Variants in NRCAM observed in about 807,000 individuals in gnomAD.
NRCAM encodes NgCAM-related cell adhesion molecule.
Under a neutral mutation model 156.5 loss-of-function variants are expected in NRCAM, and 83 were observed. That is an observed-to-expected ratio of 0.53 (90% CI 0.44 to 0.64). The LOEUF (loss-of-function observed/expected upper bound fraction) is 0.64. NRCAM is among the 30% of genes least tolerant of loss of function. NRCAM has a pLI of 0.00. For synonymous variants in NRCAM, 538 were observed against 563.9 expected (o/e 0.95, Z 0.65); for missense variants, 1,417 against 1,597.3 (o/e 0.89, Z 1.92).
chr7:108,397,453 A>C (rs2099780073), intron 2 of NRCAM, among the ~76,000 whole-genome samples: 2 of 152,218 alleles, frequency 1.3e-5, no homozygotes, highest in African/African-American at 2.4e-5. Context: ...GAAGGCTGTG[A>C]GAATGAATTT....
chr7:108,213,540 G>A (rs539538867), intron 11 of NRCAM, among the ~76,000 whole-genome samples: 3 of 152,134 alleles, frequency 2.0e-5, no homozygotes, highest in Middle Eastern at 3.4e-3. Flanking sequence ...AACACATAAG[G>A]ACTCACATAA....
rs1330536843 is a variant in NRCAM at position 108,160,433 on chromosome 7, C to T, written c.3526G>A (p.Ala1176Thr). Residue 1176 changes from alanine (A) to threonine (T), a missense_variant, in exon 31 of 33, where the codon GCT becomes ACT. Transcript: ENST00000379028. ...TQGWFIGLMC[A>T]VALLILILLI... ...AAAATTAAGATAAGGAGAGCAACAG[C>T]ACACATCAGACCAATGAACCAGCCC... 9 of 1,613,622 alleles carry T rather than the reference C, an allele frequency of 5.6e-6. No homozygotes were observed. The Admixed American group carries it at 1.5e-4, about 27-fold the overall frequency.
intron 4 of NRCAM, 35 bp downstream of exon 4, chr7:108,239,924 C>A (rs546622855): frequency 3.6e-6 from 5 of 1,371,896 alleles, no homozygotes; most frequent in African/African-American, 2.9e-5. Context: ...GGCTTTGACT[C>A]CTGGGCCTAA....
chr7:108,270,874 T>C (rs1563044035), intron 3 of NRCAM, among the ~76,000 whole-genome samples: 1 of 152,146 alleles, frequency 6.6e-6, no homozygotes, highest in Non-Finnish European at 1.5e-5. Flanking sequence ...GAAGAAAGAA[T>C]GGAGAGTTCA....
chr7:108,175,202 A>G, intron 28 of NRCAM, 120 bp downstream of exon 28: 2 of 687,772 alleles, frequency 2.9e-6, no homozygotes, highest in Non-Finnish European at 4.6e-6. Context: ...ATTGGATGAG[A>G]TCTTCTCTTC....
chr7:108,217,622 G>A (rs909974954), intron 11 of NRCAM, among the ~76,000 whole-genome samples: 3 of 152,242 alleles, frequency 2.0e-5, no homozygotes, highest in Admixed American at 6.5e-5. Context: ...CCTGCCCAGA[G>A]AGGAGGAATC....
Position 108,209,596 on chromosome 7 carries a change from T to A in NRCAM, c.900A>T (p.Pro300=). Residue 300 remains proline (P), a synonymous_variant, in exon 12 of 33, where the codon CCA becomes CCT. Transcript: ENST00000379028. ...LECIAEGLPT[P]IIYWAKEDGM... ...CATCTTCCTTTGCCCAGTAAATAAT[T>A]GGGGTAGGCCTGATAGGATAAATAA... 1 of 1,607,210 alleles carries A rather than the reference T, an allele frequency of 6.2e-7. No individual in the cohort carries two copies. Among genetic ancestry groups the A allele is most frequent in the Non-Finnish European group, 8.5e-7 (1 of 1,177,322 alleles).
Position 108,210,308 on chromosome 7 carries a change from A to T in NRCAM, c.891-703T>A, listed in dbSNP as rs2083461660. On this transcript the variant is annotated intron_variant, in intron 11 of 32. Coordinates refer to ENST00000379028, the MANE Select transcript of NRCAM (RefSeq NM_001037132.4). ...GTCACCCAGGCTGGAGTGCAGTGGC[A>T]CGATCTGAGCTCACTGCAAGCTCCG... Among the ~76,000 whole-genome samples, 3 of 150,998 alleles carry T rather than the reference A, an allele frequency of 2.0e-5. No individual in the cohort carries two copies. In the South Asian group the frequency reaches 6.3e-4, roughly 31 times the overall value.
intron 2 of NRCAM, among the ~76,000 whole-genome samples, chr7:108,355,528 C>A (rs13246081): frequency 1.1e-4 from 17 of 152,316 alleles, no homozygotes; most frequent in Non-Finnish European, 2.5e-4. Flanking sequence ...GTACCCCCAG[C>A]TTATCCATGT....
At chr7:108,161,457 C>A (rs980817690) in intron 30 of NRCAM, among the ~76,000 whole-genome samples, 2 of 152,216 alleles carry the variant, frequency 1.3e-5, no homozygotes, top group African/African-American at 4.8e-5. Flanking sequence ...CATGCCCATG[C>A]AGATTTGCTT....
At chr7:108,360,247 G>GA (rs1368421120) in intron 2 of NRCAM, among the ~76,000 whole-genome samples, 3 of 151,708 alleles carry the variant, frequency 2.0e-5, no homozygotes, top group African/African-American at 4.8e-5. Flanking sequence ...AGTGAGAAGG[G>GA]AAAAAAAAGA....
At chr7:108,382,164 G>C (rs188928285) in intron 2 of NRCAM, among the ~76,000 whole-genome samples, 35 of 152,118 alleles carry the variant, frequency 2.3e-4, no homozygotes, top group Admixed American at 7.2e-4. Context: ...AGTCACAGAA[G>C]ATCTGCATCA....
chr7:108,454,547 A>G (rs533278552), intron 1 of NRCAM, among the ~76,000 whole-genome samples: 3 of 152,332 alleles, frequency 2.0e-5, no homozygotes, highest in Admixed American at 2.0e-4. Flanking sequence ...CCGGTTGGCT[A>G]TCGTTACCAT....
intron 2 of NRCAM, among the ~76,000 whole-genome samples, chr7:108,370,715 T>A (rs1160515022): frequency 6.6e-6 from 1 of 152,166 alleles, no homozygotes; most frequent in Admixed American, 6.6e-5. Flanking sequence ...CTGTATCTAT[T>A]TCTGTAATAC....
chr7:108,311,098 C>A (rs1205564753), intron 3 of NRCAM, among the ~76,000 whole-genome samples: 3 of 152,206 alleles, frequency 2.0e-5, no homozygotes, highest in Non-Finnish European at 4.4e-5. Flanking sequence ...TACTTCCTCA[C>A]AGTGGCCGCT....
At chr7:108,361,903 T>C (rs933158926) in intron 2 of NRCAM, among the ~76,000 whole-genome samples, 1 of 152,176 alleles carries the variant, frequency 6.6e-6, no homozygotes, top group African/African-American at 2.4e-5. Context: ...GCCTTACTTC[T>C]CTGTAGAGTC....
chr7:108,186,821 T>C (rs182117478), intron 20 of NRCAM, among the ~76,000 whole-genome samples: 1 of 152,320 alleles, frequency 6.6e-6, no homozygotes, highest in East Asian at 1.9e-4. Context: ...GTAAACAGAT[T>C]GGACACCACC....
In NRCAM at chr7:108,226,124, A is replaced by C. The variant is rs1042971667; in HGVS notation, c.721+84T>G. ...CTGATAATGAACCTGTTTACTTCAAAGTCAGTAGTATATAATAGTTTCTAT... is the reference window on the plus strand; with the variant it reads ...CTGATAATGAACCTGTTTACTTCAACGTCAGTAGTATATAATAGTTTCTAT... On this transcript the variant is annotated intron_variant, in intron 9 of 32. Transcript: ENST00000379028. 120 of 955,826 alleles carry C rather than the reference A, an allele frequency of 1.3e-4. 1 individual carries two copies. The African/African-American group carries it at 1.8e-3, about 14-fold the overall frequency. 59.2% of individuals were successfully genotyped at this position (955,826 alleles called of 1,614,324 possible).
At chr7:108,189,615 A>G (rs1477844630) in intron 20 of NRCAM, 30 bp downstream of exon 20, 1 of 900,076 alleles carries the variant, frequency 1.1e-6, no homozygotes, top group Admixed American at 1.8e-5. Flanking sequence ...CATTTAGTTG[A>G]TCGGAAATAG....
Sources: gnomAD v4.1 joint callset for allele counts (sites outside exome capture counted in the v4.1 genomes callset) on GRCh38, gnomAD v4.1.1 for gene constraint, MANE v1.5 for transcripts, NCBI Gene and HGNC (gene_info 2026-07-23, HGNC 2026-07-21) for gene names.